Variants in PLCL2 observed in about 807,000 individuals in gnomAD.
The protein encoded by PLCL2 is inactive phospholipase C-like protein 2.
PLCL2 carries 4 observed loss-of-function variants against 79.6 expected under a neutral mutation model. The observed-to-expected ratio is 0.05, with a 90% CI of 0.02 to 0.11. The LOEUF is 0.11. PLCL2 is among the 10% of genes least tolerant of loss of function. PLCL2 has a pLI of 1.00. For synonymous variants in PLCL2, 484 were observed against 457.7 expected, an observed-to-expected ratio of 1.06 and a Z score of -0.73; for missense variants, 895 against 1,291.0, an observed-to-expected ratio of 0.69 and a Z score of 4.70.
At chr3:17,076,806 C>T (rs1248779052) in intron 5 of PLCL2, among the ~76,000 whole-genome samples, 1 of 152,062 alleles carries the variant, frequency 6.6e-6, no homozygotes, top group South Asian at 2.1e-4. Flanking sequence ...TTTTTGTTTT[C>T]TTTTTTAATT....
chr3:16,950,573 C>CT (rs376769269), intron 1 of PLCL2, among the ~76,000 whole-genome samples: 60 of 141,340 alleles, frequency 4.2e-4, no homozygotes, highest in East Asian at 8.2e-4. Context: ...TTTTATTTTG[C>CT]TTTTTTTTTT....
intron 1 of PLCL2, among the ~76,000 whole-genome samples, chr3:16,911,209 C>G (rs545236295): frequency 6.8e-6 from 1 of 148,070 alleles, no homozygotes; most frequent in South Asian, 2.1e-4. Context: ...GCCGAGATAG[C>G]GCCACTGTAT....
At chr3:16,996,767 G>A (rs1310525124) in intron 1 of PLCL2, among the ~76,000 whole-genome samples, 1 of 152,054 alleles carries the variant, frequency 6.6e-6, no homozygotes, top group South Asian at 2.1e-4. Flanking sequence ...TGAACATTTT[G>A]TTACAGAAAT....
At chr3:16,974,300 GCAGGACTGGGTGA>G (rs2063901667) in intron 1 of PLCL2, among the ~76,000 whole-genome samples, 1 of 152,182 alleles carries the variant, frequency 6.6e-6, no homozygotes, top group South Asian at 2.1e-4. Flanking sequence ...GGACTAGAGG[GCAGGACTGGGTGA>G]CAGTAGCAAG....
intron 3 of PLCL2, among the ~76,000 whole-genome samples, chr3:17,017,447 A>AC (rs2064397059): frequency 6.6e-6 from 1 of 152,140 alleles, no homozygotes; most frequent in Non-Finnish European, 1.5e-5. Context: ...CTTTTTAGTG[A>AC]CTTAATGGTT....
intron 1 of PLCL2, among the ~76,000 whole-genome samples, chr3:16,907,120 A>G (rs1696769933): frequency 6.6e-6 from 1 of 152,182 alleles, no homozygotes; most frequent in Non-Finnish European, 1.5e-5. Context: ...CTACTTATAT[A>G]TTTAATTTAA....
intron 1 of PLCL2, among the ~76,000 whole-genome samples, chr3:16,964,769 A>C (rs1261863687): frequency 1.3e-5 from 2 of 152,094 alleles, no homozygotes; most frequent in African/African-American, 2.4e-5. Context: ...TCTGATGGCC[A>C]GTGATGATGA....
At chr3:17,052,347 C>A (rs148933695) in intron 4 of PLCL2, among the ~76,000 whole-genome samples, 3 of 151,314 alleles carry the variant, frequency 2.0e-5, no homozygotes. Context: ...GATAACTTGA[C>A]GGAGATGAGT....
intron 1 of PLCL2, among the ~76,000 whole-genome samples, chr3:16,923,316 C>G (rs1315957539): frequency 2.0e-5 from 3 of 152,146 alleles, no homozygotes; most frequent in Non-Finnish European, 4.4e-5. Flanking sequence ...ATCAGGTGAT[C>G]TAGCAGTGAG....
chr3:16,897,697 G>A (rs768733916), intron 1 of PLCL2, among the ~76,000 whole-genome samples: 6 of 152,186 alleles, frequency 3.9e-5, no homozygotes, highest in South Asian at 2.1e-4. Flanking sequence ...CCAGTGCTCC[G>A]CCCGAGGGTG....
chr3:17,002,344 T>A (rs1412691390), intron 1 of PLCL2, among the ~76,000 whole-genome samples: 1 of 152,128 alleles, frequency 6.6e-6, no homozygotes, highest in African/African-American at 2.4e-5. Flanking sequence ...CCAATTTGGA[T>A]CCCCTTTCTC....
At chr3:17,070,754 G>C (rs1477935021) in intron 5 of PLCL2, among the ~76,000 whole-genome samples, 1 of 152,136 alleles carries the variant, frequency 6.6e-6, no homozygotes, top group African/African-American at 2.4e-5. Context: ...ATTACTTTTT[G>C]TTTGCAGTGA....
intron 4 of PLCL2, among the ~76,000 whole-genome samples, chr3:17,064,684 G>C (rs1350356410): frequency 6.6e-6 from 1 of 151,996 alleles, no homozygotes; most frequent in Non-Finnish European, 1.5e-5. Context: ...TGTCATTTCT[G>C]TTGGATCAGT....
intron 1 of PLCL2, among the ~76,000 whole-genome samples, chr3:16,926,368 C>T (rs1392489965): frequency 2.6e-5 from 4 of 152,154 alleles, no homozygotes; most frequent in Non-Finnish European, 4.4e-5. Context: ...TTTTCCTCCT[C>T]TGTAAAGTGG....
intron 3 of PLCL2, among the ~76,000 whole-genome samples, chr3:17,020,821 T>G (rs2064443298): frequency 2.6e-5 from 4 of 152,194 alleles, no homozygotes; most frequent in Admixed American, 2.6e-4. Flanking sequence ...TTTTTTTCCT[T>G]ACACAGAAAT....
chr3:17,009,676 T>C lies in PLCL2; in HGVS notation c.330T>C (p.Asp110=). 1 of 1,562,726 alleles carries C rather than the reference T, an allele frequency of 6.4e-7. No individual in the cohort carries two copies. The highest frequency in any genetic ancestry group is 8.8e-7 in the Non-Finnish European group (1 of 1,139,628). The part of the protein sequence containing the change: ...GLPRRSSIIK[D]GTKQKRERKK... Reference sequence around the variant, plus strand: ...ATACGGTCTTTTTTTCCTCTCAGGATGGTACAAAACAGAAGAGGGAACGGA... The same window carrying C: ...ATACGGTCTTTTTTTCCTCTCAGGACGGTACAAAACAGAAGAGGGAACGGA... Residue 110 remains aspartate, a splice_region_variant and synonymous_variant, in exon 2 of 6, where the codon GAT becomes GAC. Coordinates refer to ENST00000615277, the MANE Select transcript of PLCL2 (RefSeq NM_001144382.2). This position sits in a 1 kb window ranked among gnomAD's most constrained non-coding sequence, Gnocchi z 4.0.
intron 1 of PLCL2, among the ~76,000 whole-genome samples, chr3:16,955,935 C>A (rs1482480146): frequency 1.3e-5 from 2 of 152,166 alleles, no homozygotes; most frequent in Non-Finnish European, 2.9e-5. Context: ...TGGGCTGAGA[C>A]AATGGGGTTT....
At chr3:16,888,135 G>A (rs1158118011) in intron 1 of PLCL2, among the ~76,000 whole-genome samples, 4 of 152,156 alleles carry the variant, frequency 2.6e-5, no homozygotes, top group Admixed American at 6.5e-5. Context: ...GAGAATAATG[G>A]CCTAAATGTG....
At chr3:17,027,076 C>T (rs1006111495) in intron 3 of PLCL2, among the ~76,000 whole-genome samples, 1 of 152,132 alleles carries the variant, frequency 6.6e-6, no homozygotes, top group Non-Finnish European at 1.5e-5. Flanking sequence ...TTTTGTCCAA[C>T]ATATATCGTA....
Sources: allele counts gnomAD v4.1 joint callset (sites outside exome capture counted in the v4.1 genomes callset), GRCh38; gene constraint gnomAD v4.1.1; non-coding constraint Gnocchi (gnomAD v3.1); transcripts MANE v1.5; gene names NCBI Gene and HGNC (gene_info 2026-07-23, HGNC 2026-07-21).